The following UBE2E2 variants were observed in gnomAD, a reference collection of about 807,000 sequenced individuals.
UBE2E2 encodes the protein ubiquitin conjugating enzyme E2 E2.
A neutral mutation model predicts 24.7 loss-of-function variants in UBE2E2; 6 were observed. The ratio of observed to expected loss-of-function variants is 0.24; its 90% CI spans 0.13 to 0.48. UBE2E2 has a LOEUF of 0.48. UBE2E2 is among the 20% of genes least tolerant of loss of function. The probability of loss-of-function intolerance (pLI) is 0.99; values close to 1 mark genes in which losing one functional copy is unlikely to be tolerated. For missense variants in UBE2E2, 169 were observed against 245.0 expected (o/e 0.69, Z 2.07); for synonymous variants, 104 against 83.6 (o/e 1.24, Z -1.33).
intron 3 of UBE2E2, among the ~76,000 whole-genome samples, chr3:23,385,295 A>T (rs1696782244): frequency 6.6e-6 from 1 of 152,174 alleles, no homozygotes; most frequent in South Asian, 2.1e-4. Flanking sequence ...ATTTCTGATT[A>T]TTGCATTTAC....
chr3:23,287,438 G>A (rs145442306), intron 3 of UBE2E2, among the ~76,000 whole-genome samples: 200 of 152,220 alleles, frequency 1.3e-3, no homozygotes, highest in African/African-American at 4.3e-3. Flanking sequence ...ATGGCCTCAC[G>A]GAATGAATTG....
intron 3 of UBE2E2, among the ~76,000 whole-genome samples, chr3:23,491,517 C>G (rs920232881): frequency 1.3e-5 from 2 of 152,168 alleles, no homozygotes; most frequent in African/African-American, 4.8e-5. Flanking sequence ...AATGGTCAGA[C>G]CTACAGAACA....
At chr3:23,312,916 A>T (rs1402826683) in intron 3 of UBE2E2, among the ~76,000 whole-genome samples, 4 of 152,100 alleles carry the variant, frequency 2.6e-5, no homozygotes, top group African/African-American at 9.7e-5. Context: ...ATTCCTCATT[A>T]TTGATTTCTA....
At chr3:23,558,224 T>G (rs1695837295) in intron 5 of UBE2E2, among the ~76,000 whole-genome samples, 1 of 152,190 alleles carries the variant, frequency 6.6e-6, no homozygotes. Context: ...TTAACATAAT[T>G]GATCTGCATG....
At chr3:23,587,845 C>T (rs1482417658) in intron 5 of UBE2E2, among the ~76,000 whole-genome samples, 3 of 152,116 alleles carry the variant, frequency 2.0e-5, no homozygotes, top group African/African-American at 7.2e-5. Flanking sequence ...AGAAGAATCA[C>T]AAAGAGTAGG....
chr3:23,321,556 A>G (rs973717746), intron 3 of UBE2E2, among the ~76,000 whole-genome samples: 3 of 150,378 alleles, frequency 2.0e-5, no homozygotes, highest in African/African-American at 7.4e-5. Flanking sequence ...TAGCTCTTCT[A>G]CTCCTGGGAC....
chr3:23,586,725 G>C (rs1350539703), intron 5 of UBE2E2, among the ~76,000 whole-genome samples: 5 of 152,032 alleles, frequency 3.3e-5, no homozygotes, highest in African/African-American at 9.7e-5. Flanking sequence ...TCACATCGTT[G>C]TTTTTAAAAC....
chr3:23,335,665 G>A (rs1695186184), intron 3 of UBE2E2, among the ~76,000 whole-genome samples: 1 of 152,128 alleles, frequency 6.6e-6, no homozygotes, highest in Non-Finnish European at 1.5e-5. Flanking sequence ...CTCCTGAGTA[G>A]CTGGGACTAC....
chr3:23,303,783 A>G (rs1179462558), intron 3 of UBE2E2, among the ~76,000 whole-genome samples: 7 of 152,182 alleles, frequency 4.6e-5, no homozygotes, highest in Admixed American at 2.6e-4. Flanking sequence ...CTAGGGAACA[A>G]TTTGTTTCAT....
intron 3 of UBE2E2, among the ~76,000 whole-genome samples, chr3:23,264,092 A>G (rs1309094699): frequency 6.6e-6 from 1 of 152,174 alleles, no homozygotes; most frequent in Non-Finnish European, 1.5e-5. Context: ...ACCATTACCT[A>G]TGTTTTGCTG....
chr3:23,571,635 A>G (rs1012094324), intron 5 of UBE2E2, among the ~76,000 whole-genome samples: 4 of 152,102 alleles, frequency 2.6e-5, no homozygotes, highest in African/African-American at 9.7e-5. Flanking sequence ...AGGATCGTAC[A>G]GACCGCTTTT....
chr3:23,388,565 A>G (rs1473109467), intron 3 of UBE2E2, among the ~76,000 whole-genome samples: 2 of 152,198 alleles, frequency 1.3e-5, no homozygotes, highest in Non-Finnish European at 2.9e-5. Flanking sequence ...TTTTCATTTT[A>G]TTGCAAAGCT....
intron 5 of UBE2E2, among the ~76,000 whole-genome samples, chr3:23,582,891 G>GTGTGTGTGTATGTA (rs1553622745): frequency 6.7e-6 from 1 of 148,614 alleles, no homozygotes; most frequent in African/African-American, 2.5e-5. Flanking sequence ...GTGTGTGTGT[G>GTGTGTGTGTATGTA]TGTTGTGTGT....
chr3:23,442,425 A>C (rs1304784649), intron 3 of UBE2E2, among the ~76,000 whole-genome samples: 2 of 151,942 alleles, frequency 1.3e-5, no homozygotes, highest in Non-Finnish European at 2.9e-5. Context: ...CTTGTGATTA[A>C]TTCCAAGTAT....
intron 3 of UBE2E2, among the ~76,000 whole-genome samples, chr3:23,334,289 G>A (rs1256877422): frequency 6.6e-6 from 1 of 150,946 alleles, no homozygotes; most frequent in Admixed American, 6.6e-5. Context: ...TAGTACTTTG[G>A]GGATGATTTA....
chr3:23,545,298 A>G (rs1376185051), intron 5 of UBE2E2, among the ~76,000 whole-genome samples: 1 of 152,188 alleles, frequency 6.6e-6, no homozygotes, highest in Non-Finnish European at 1.5e-5. Context: ...ACCTTGGACA[A>G]TACCTGGCTT....
Position 23,227,759 on chromosome 3 carries a change from T to C in UBE2E2, c.227+10447T>C, listed in dbSNP as rs1180287784. ...CCTGCAGGTGGGATAGCTGCAGAGTTGGGCTATGTGTACTGTGTGAGAGGG... is the reference window on the plus strand; with the variant it reads ...CCTGCAGGTGGGATAGCTGCAGAGTCGGGCTATGTGTACTGTGTGAGAGGG... On this transcript the variant is annotated intron_variant, in intron 3 of 5. Coordinates refer to ENST00000396703, the MANE Select transcript of UBE2E2 (RefSeq NM_152653.4). Among the ~76,000 whole-genome samples, 4 of 152,170 alleles carry C rather than the reference T, an allele frequency of 2.6e-5. No homozygotes were observed. The South Asian group carries it at 6.2e-4, about 24-fold the overall frequency.
chr3:23,344,320 C>T (rs1695485711), intron 3 of UBE2E2, among the ~76,000 whole-genome samples: 1 of 152,144 alleles, frequency 6.6e-6, no homozygotes, highest in African/African-American at 2.4e-5. Context: ...CTCTTGAAAG[C>T]TTCCAAGAAA....
At chr3:23,524,226 A>T (rs1034778339) in intron 4 of UBE2E2, among the ~76,000 whole-genome samples, 6 of 152,148 alleles carry the variant, frequency 3.9e-5, no homozygotes, top group South Asian at 2.1e-4. Flanking sequence ...CTGTATTAAA[A>T]TTTTTTTTAT....
Sources: allele counts gnomAD v4.1 joint callset (sites outside exome capture counted in the v4.1 genomes callset), GRCh38; gene constraint gnomAD v4.1.1; transcripts MANE v1.5; gene names NCBI Gene and HGNC (gene_info 2026-07-23, HGNC 2026-07-21).